Variants in KCND2 observed in about 807,000 individuals in gnomAD.
The protein encoded by KCND2 is A-type voltage-gated potassium channel KCND2.
KCND2 carries 16 observed loss-of-function variants against 54.4 expected under a neutral mutation model. The ratio of observed to expected loss-of-function variants is 0.29; its 90% confidence interval spans 0.20 to 0.45. The LOEUF (loss-of-function observed/expected upper bound fraction) is 0.45. Ranked by LOEUF, KCND2 falls within the 20% of genes least tolerant of loss-of-function variation. The probability of loss-of-function intolerance (pLI) is 1.00; values close to 1 mark genes in which losing one functional copy is unlikely to be tolerated. For synonymous variants in KCND2, 317 were observed against 310.7 expected (o/e 1.02, Z -0.21); for missense variants, 486 against 824.2 (o/e 0.59, Z 5.02).
At chr7:120,567,040 T>C (rs1477439844) in intron 1 of KCND2, among the ~76,000 whole-genome samples, 2 of 151,914 alleles carry the variant, frequency 1.3e-5, no homozygotes, top group African/African-American at 4.8e-5. Context: ...AAAATCATTT[T>C]TCATCAGAAC....
chr7:120,504,791 A>G (rs372921503), intron 1 of KCND2, among the ~76,000 whole-genome samples: 1 of 151,790 alleles, frequency 6.6e-6, no homozygotes, highest in Non-Finnish European at 1.5e-5. Context: ...TTTACAATAC[A>G]CAGATGCATT....
At chr7:120,469,554 G>A (rs1238824095) in intron 1 of KCND2, among the ~76,000 whole-genome samples, 1 of 152,096 alleles carries the variant, frequency 6.6e-6, no homozygotes, top group Non-Finnish European at 1.5e-5. Flanking sequence ...TGTTTCAGTA[G>A]CAGAGGATTG....
At chr7:120,706,547 A>G (rs564414608) in intron 1 of KCND2, among the ~76,000 whole-genome samples, 1 of 152,310 alleles carries the variant, frequency 6.6e-6, no homozygotes, top group Admixed American at 6.5e-5. Context: ...TTCACAATGG[A>G]ACAGGTCTCA....
intron 1 of KCND2, among the ~76,000 whole-genome samples, chr7:120,309,282 G>C (rs1799692645): frequency 6.6e-6 from 1 of 151,892 alleles, no homozygotes; most frequent in Non-Finnish European, 1.5e-5. Context: ...GAAAATCCAA[G>C]AAAACCTTTG....
Position 120,348,614 on chromosome 7 carries a change from C to T in KCND2, c.1115+72867C>T, listed in dbSNP as rs184087947. Among the ~76,000 whole-genome samples the T allele has an allele frequency of 1.1e-4, 16 of 152,256 alleles. 1 individual carries two copies. The highest frequency in any genetic ancestry group is 1.0e-3 in the Admixed American group (16 of 15,292). ...TCACATAGTCAAATTACTCTATGCT[C>T]TATGAAGTCTGATTGAAACATACAT... is the stretch of plus-strand genomic sequence containing the variant. On this transcript the variant is annotated intron_variant, in intron 1 of 5. Transcript: ENST00000331113.
intron 1 of KCND2, among the ~76,000 whole-genome samples, chr7:120,351,242 G>GTA (rs974625104): frequency 2.1e-3 from 99 of 47,510 alleles, no homozygotes; most frequent in African/African-American, 4.6e-3. Context: ...ATTTATATGT[G>GTA]TGTATATATA....
At chr7:120,483,308 G>C (rs145969396) in intron 1 of KCND2, among the ~76,000 whole-genome samples, 1 of 152,286 alleles carries the variant, frequency 6.6e-6, no homozygotes, top group Non-Finnish European at 1.5e-5. Context: ...TGGTGATTTA[G>C]AGTTTGTACA....
chr7:120,349,441 A>G (rs1800370993), intron 1 of KCND2, among the ~76,000 whole-genome samples: 1 of 152,192 alleles, frequency 6.6e-6, no homozygotes, highest in South Asian at 2.1e-4. Flanking sequence ...TAACCCAGTG[A>G]GATAAATTAT....
chr7:120,574,443 T>G (rs1792402063), intron 1 of KCND2, among the ~76,000 whole-genome samples: 1 of 152,218 alleles, frequency 6.6e-6, no homozygotes, highest in Non-Finnish European at 1.5e-5. Context: ...ATAATGCCAT[T>G]GGTTACAATA....
intron 1 of KCND2, among the ~76,000 whole-genome samples, chr7:120,568,477 T>C (rs1360462723): frequency 6.6e-6 from 1 of 152,134 alleles, no homozygotes; most frequent in East Asian, 1.9e-4. Context: ...TCAAAGTACA[T>C]TTGTATCTTA....
intron 1 of KCND2, among the ~76,000 whole-genome samples, chr7:120,361,170 A>G (rs1001597232): frequency 2.4e-4 from 36 of 151,982 alleles, no homozygotes; most frequent in Non-Finnish European, 8.8e-5. Context: ...TTGGCAGGAA[A>G]CAGATTACCA....
intron 1 of KCND2, among the ~76,000 whole-genome samples, chr7:120,603,897 C>CT (rs1792845994): frequency 6.6e-6 from 1 of 152,106 alleles, no homozygotes. Context: ...GATCTGACTA[C>CT]TTTTTTTAAA....
intron 1 of KCND2, among the ~76,000 whole-genome samples, chr7:120,713,053 C>A (rs1792559644): frequency 6.6e-6 from 1 of 152,154 alleles, no homozygotes; most frequent in Non-Finnish European, 1.5e-5. Context: ...GCCTCCTTTC[C>A]CTTACCTGTA....
chr7:120,631,800 G>A (rs1584861844), intron 1 of KCND2, among the ~76,000 whole-genome samples: 1 of 152,044 alleles, frequency 6.6e-6, no homozygotes, highest in South Asian at 2.1e-4. Flanking sequence ...TCAATTTAAC[G>A]TAGAAATGGG....
chr7:120,586,336 T>G (rs1792600290), intron 1 of KCND2, among the ~76,000 whole-genome samples: 2 of 152,164 alleles, frequency 1.3e-5, no homozygotes, highest in Non-Finnish European at 2.9e-5. Flanking sequence ...GTCTTTTGAT[T>G]CTCATTTCCT....
intron 1 of KCND2, among the ~76,000 whole-genome samples, chr7:120,451,855 C>T (rs1169090421): frequency 6.6e-6 from 1 of 152,178 alleles, no homozygotes; most frequent in Admixed American, 6.5e-5. Flanking sequence ...ATCTCACCAG[C>T]TTAGAAGAAT....
intron 1 of KCND2, among the ~76,000 whole-genome samples, chr7:120,635,603 T>C (rs1793295094): frequency 6.6e-6 from 1 of 152,230 alleles, no homozygotes; most frequent in Non-Finnish European, 1.5e-5. Flanking sequence ...CTGAAACACA[T>C]ATGTATCCTA....
At chr7:120,371,867 A>T (rs953232824) in intron 1 of KCND2, among the ~76,000 whole-genome samples, 2 of 151,862 alleles carry the variant, frequency 1.3e-5, no homozygotes, top group African/African-American at 4.8e-5. Context: ...TGTACAGTAC[A>T]CTCCAGGAAT....
chr7:120,565,985 A>G (rs1792292255), intron 1 of KCND2, among the ~76,000 whole-genome samples: 1 of 151,998 alleles, frequency 6.6e-6, no homozygotes. Flanking sequence ...AGACTTAATA[A>G]TGAGTTCTCC....
Sources: allele counts gnomAD v4.1 joint callset (sites outside exome capture counted in the v4.1 genomes callset), GRCh38; gene constraint gnomAD v4.1.1; transcripts MANE v1.5; gene names NCBI Gene and HGNC (gene_info 2026-07-23, HGNC 2026-07-21).